SCUBE2: variants seen among roughly 807,000 people sequenced by gnomAD.
SCUBE2 encodes the protein signal peptide, CUB domain and EGF like domain containing 2, also known as signal peptide, CUB and EGF-like domain-containing protein 2.
SCUBE2 carries 114 observed loss-of-function variants against 125.9 expected under a neutral mutation model. The ratio of observed to expected loss-of-function variants is 0.91; its 90% CI spans 0.78 to 1.06. SCUBE2 has a LOEUF of 1.06. SCUBE2 is among the 50% of genes least tolerant of loss of function. The pLI is 0.00. For synonymous variants in SCUBE2, 459 were observed against 492.9 expected (o/e 0.93, Z 0.91); for missense variants, 1,255 against 1,301.8 (o/e 0.96, Z 0.55).
intron 2 of SCUBE2, among the ~76,000 whole-genome samples, chr11:9,086,145 T>A (rs1440137175): frequency 6.6e-6 from 1 of 152,190 alleles, no homozygotes; most frequent in Non-Finnish European, 1.5e-5. Context: ...AACTGAGAAG[T>A]AAGAACCATA....
chr11:9,021,082 C>T lies in SCUBE2; in HGVS notation c.3050G>A (p.Arg1017His), dbSNP rs537338841. Residue 1017 changes from arginine (R) to histidine (H), a missense_variant, in exon 23 of 23, where the codon CGT (arginine) becomes CAT (histidine). Around this residue, in one of 3 missense-constraint regions of SCUBE2, gnomAD observed 515 missense variants for 515.7 expected, o/e 1.00. Transcript: ENST00000649792. The stretch of plus-strand genomic sequence containing the variant: ...TCTCAAAAACCTGGACACTTTGGAA[C>T]GTAGCAATCGGATGAACGATCTTGG... ...MFPRSFIRLL[R>H]SKVSRFLRPY... 5.0e-6 allele frequency: 8 copies of T among 1,613,588 alleles called. No homozygotes were observed. The highest frequency in any genetic ancestry group is 1.1e-5 in the South Asian group (1 of 90,904).
intron 20 of SCUBE2, 158 bp downstream of exon 20, chr11:9,027,206 T>A (rs1227510319): frequency 2.9e-6 from 2 of 685,378 alleles, no homozygotes; most frequent in Non-Finnish European, 4.9e-6. Flanking sequence ...TGGCTTTCAT[T>A]TAAATTTTGT....
At chr11:9,051,186 CTAT>C (rs1320787317) in intron 13 of SCUBE2, among the ~76,000 whole-genome samples, 3 of 84,840 alleles carry the variant, frequency 3.5e-5, no homozygotes, top group African/African-American at 5.8e-5. Flanking sequence ...AAAAAATTAT[CTAT>C]CTATCTATCT....
At chr11:9,090,029 C>T (rs1435636658) in intron 1 of SCUBE2, among the ~76,000 whole-genome samples, 200 bp from the exon 2 acceptor site, 1 of 152,082 alleles carries the variant, frequency 6.6e-6, no homozygotes, top group Non-Finnish European at 1.5e-5. Flanking sequence ...CGTGAAATTA[C>T]CCCCACCATC....
chr11:9,023,798 T>C (rs566099064), intron 21 of SCUBE2, among the ~76,000 whole-genome samples: 36 of 152,292 alleles, frequency 2.4e-4, no homozygotes, highest in African/African-American at 8.2e-4. Context: ...TATGGAGTGA[T>C]TGTGAGGAAA....
Position 9,021,036 on chromosome 11 carries a change from TG to T in SCUBE2, c.*8del. On this transcript the variant is annotated 3_prime_UTR_variant, in exon 23 of 23. Transcript: ENST00000649792. ...CAGAACATTTGTATTGAGTGGCACG[TG>T]GGCTGAGTCATTTGTAAGGTCTCAA... is the stretch of plus-strand genomic sequence containing the variant. The T allele has an allele frequency of 6.2e-7, 1 of 1,612,364 alleles. No homozygotes were observed. Among genetic ancestry groups the T allele is most frequent in the Non-Finnish European group, 8.5e-7 (1 of 1,179,226 alleles).
At chr11:9,088,537 T>G (rs78111836) in intron 2 of SCUBE2, among the ~76,000 whole-genome samples, 1,749 of 152,336 alleles carry the variant, frequency 0.011, 25 homozygotes, top group African/African-American at 0.04. Flanking sequence ...GAAGTTAATA[T>G]GTTTTTCGAA....
chr11:9,033,548 G>A, intron 17 of SCUBE2, 78 bp downstream of exon 17: 1 of 1,511,680 alleles, frequency 6.6e-7, no homozygotes, highest in Non-Finnish European at 9.0e-7. Flanking sequence ...TGCATTGTCT[G>A]GAGTCCTTGA....
chr11:9,066,381 C>T lies in SCUBE2; in HGVS notation c.760+316G>A, dbSNP rs544342942. On this transcript the variant is annotated intron_variant, in intron 6 of 22. Transcript: ENST00000649792. ...CCTGGCTCCTGCTGGCCAGAAGTGC[C>T]GCATCATTATAAACAGCTCTAACTT... Among the ~76,000 whole-genome samples the T allele has an allele frequency of 2.8e-4, 42 of 152,258 alleles. No homozygotes were observed. In the South Asian group the frequency reaches 3.3e-3, roughly 12 times the overall value.
intron 16 of SCUBE2, among the ~76,000 whole-genome samples, chr11:9,035,536 G>GA (rs1223799799): frequency 6.6e-6 from 1 of 152,068 alleles, no homozygotes; most frequent in Non-Finnish European, 1.5e-5. Flanking sequence ...CCAAGAAATA[G>GA]AAAAAAATTA....
At chr11:9,059,629 T>A in intron 8 of SCUBE2, 1 of 645,554 alleles carries the variant, frequency 1.5e-6, no homozygotes, top group Non-Finnish European at 2.5e-6. Flanking sequence ...AAGTGTTTCA[T>A]CGTCTTGAGA....
In SCUBE2 at chr11:9,076,448, A is replaced by G. The variant is rs571613305; in HGVS notation, c.383-1833T>C. On this transcript the variant is annotated intron_variant, in intron 3 of 22. Transcript: ENST00000649792. ...CCTCTACTAGATTGCAAACTCCTTG[A>G]GGACAGAGATTTTTGTTTTAATTAG... is the stretch of plus-strand genomic sequence containing the variant. Among the ~76,000 whole-genome samples, 4 of 152,114 alleles carry G rather than the reference A, an allele frequency of 2.6e-5. No individual in the cohort carries two copies. The South Asian group carries it at 8.3e-4, about 32-fold the overall frequency.
chr11:9,057,935 G>C (rs74052350), intron 9 of SCUBE2, among the ~76,000 whole-genome samples: 5,824 of 152,236 alleles, frequency 0.038, 401 homozygotes, highest in African/African-American at 0.13. Flanking sequence ...GCATATCAAA[G>C]GGAAGGTGCT....
intron 21 of SCUBE2, chr11:9,022,621 C>G (rs1490335491): frequency 6.6e-6 from 1 of 152,472 alleles, no homozygotes; most frequent in Non-Finnish European, 1.5e-5. Flanking sequence ...GCATCAGTAG[C>G]TTTTGACCTG....
rs571509146 is a variant in SCUBE2, at chr11:9,030,058, G to A, written c.2342-13C>T. On this transcript the variant is annotated splice_polypyrimidine_tract_variant and intron_variant, in intron 18 of 22. Transcript: ENST00000649792. ...GGTGAACATTGAACTGTGGGTCAAG[G>A]GAGGGTGAAAAGAATGAAAAAAAGA... is the stretch of plus-strand genomic sequence containing the variant. The A allele has an allele frequency of 1.2e-5, 20 of 1,607,224 alleles. No individual in the cohort carries two copies. Among genetic ancestry groups the A allele is most frequent in the South Asian group, 4.4e-5 (4 of 90,600 alleles).
intron 7 of SCUBE2, among the ~76,000 whole-genome samples, chr11:9,061,174 AG>A (rs1169458643): frequency 6.6e-6 from 1 of 152,226 alleles, no homozygotes; most frequent in Non-Finnish European, 1.5e-5. Flanking sequence ...GTAATAGACA[AG>A]TGCTATTCAA....
chr11:9,042,330 G>T (rs1162714719), intron 16 of SCUBE2, among the ~76,000 whole-genome samples: 2 of 152,006 alleles, frequency 1.3e-5, no homozygotes, highest in African/African-American at 4.8e-5. Flanking sequence ...ATGTCCCTTA[G>T]ATCCTCACCG....
At chr11:9,055,728 A>G (rs1220867179) in intron 10 of SCUBE2, 65 bp downstream of exon 10, 5 of 1,242,976 alleles carry the variant, frequency 4.0e-6, no homozygotes, top group Admixed American at 1.7e-5. Context: ...CCTCAGGGGT[A>G]GGCCCTGCTC....
intron 22 of SCUBE2, 74 bp downstream of exon 22, chr11:9,021,802 A>G: frequency 2.7e-6 from 3 of 1,110,658 alleles, no homozygotes; most frequent in South Asian, 1.3e-5. Context: ...AAGGAGCAGG[A>G]GGAGAAGCCT....
Sources: gnomAD v4.1 joint callset for allele counts (sites outside exome capture counted in the v4.1 genomes callset) on GRCh38, gnomAD v4.1.1 for gene constraint, gnomAD v4.1.1 regional missense constraint, MANE v1.5 for transcripts, NCBI Gene and HGNC (gene_info 2026-07-23, HGNC 2026-07-21) for gene names.